The following MOB2 variants were observed in gnomAD, a reference collection of about 807,000 sequenced individuals.
MOB2 encodes the protein MOB kinase activator 2.
In MOB2, 14 loss-of-function variants were observed where a neutral mutation model predicts 27.4. The observed-to-expected ratio is 0.51, with a 90% CI of 0.34 to 0.80. The LOEUF (loss-of-function observed/expected upper bound fraction) is 0.80, where lower values mean the gene tolerates loss of function less well. MOB2 is among the 30% of genes least tolerant of loss of function. The pLI, the probability that MOB2 is intolerant of heterozygous loss-of-function variation, is 0.01. For synonymous variants in MOB2, 167 were observed against 151.8 expected, an observed-to-expected ratio of 1.10 and a Z score of -0.74; for missense variants, 304 against 354.6, an observed-to-expected ratio of 0.86 and a Z score of 1.15.
chr11:1,473,702 CACT>C (rs1847821788), intron 3 of MOB2, among the ~76,000 whole-genome samples: 2 of 152,252 alleles, frequency 1.3e-5, no homozygotes, highest in Non-Finnish European at 2.9e-5. Flanking sequence ...GATGGAACAC[CACT>C]GTTTCCTGTA....
chr11:1,482,967 C>G (rs938685170), intron 1 of MOB2, among the ~76,000 whole-genome samples: 1 of 152,238 alleles, frequency 6.6e-6, no homozygotes, highest in African/African-American at 2.4e-5. Context: ...CACTCTGAGG[C>G]AGCCCATTGC....
chr11:1,475,340 A>G (rs1246451941), intron 3 of MOB2, among the ~76,000 whole-genome samples: 1 of 152,188 alleles, frequency 6.6e-6, no homozygotes, highest in East Asian at 1.9e-4. Flanking sequence ...ACAGGGATAC[A>G]GCAATCCCCC....
chr11:1,475,538 C>T (rs1313065717), intron 3 of MOB2, among the ~76,000 whole-genome samples: 1 of 152,200 alleles, frequency 6.6e-6, no homozygotes, highest in Non-Finnish European at 1.5e-5. Context: ...TGAAGTGATC[C>T]ACCGCCTCAG....
Position 1,471,643 on chromosome 11 carries a change from G to A in MOB2, c.366-224C>T, listed in dbSNP as rs1047118865. On this transcript the variant is annotated intron_variant, in intron 3 of 4. Coordinates refer to ENST00000329957, the MANE Select transcript of MOB2 (RefSeq NM_001172223.3). ...TCTGCCTGCGCTGACTTAGAACTAC[G>A]CCAGGATCACGCTGGGGAGCCTGCC... The A allele has an allele frequency of 1.6e-5, 8 of 502,524 alleles. No homozygotes were observed. The Admixed American group carries it at 1.9e-4, about 12-fold the overall frequency. 31.1% of individuals were successfully genotyped at this position (502,524 alleles called of 1,614,324 possible).
intron 1 of MOB2, among the ~76,000 whole-genome samples, chr11:1,484,557 T>G (rs932595883): frequency 1.3e-5 from 2 of 152,026 alleles, no homozygotes; most frequent in African/African-American, 4.8e-5. Flanking sequence ...AGCCTGGGTC[T>G]CAGCACACCT....
At chr11:1,486,173 C>T (rs1315094336) in intron 1 of MOB2, among the ~76,000 whole-genome samples, 1 of 152,264 alleles carries the variant, frequency 6.6e-6, no homozygotes, top group Admixed American at 6.5e-5. Context: ...TCCTCTCCCA[C>T]AGAGCAACAG....
intron 4 of MOB2, among the ~76,000 whole-genome samples, chr11:1,471,012 G>C (rs1485936621): frequency 1.3e-5 from 2 of 152,258 alleles, no homozygotes; most frequent in African/African-American, 4.8e-5. Flanking sequence ...TGGACGGTGA[G>C]AGCAGCATGA....
At chr11:1,486,347 C>T in intron 1 of MOB2, 100 bp downstream of exon 1, 1 of 898,458 alleles carries the variant, frequency 1.1e-6, no homozygotes, top group Non-Finnish European at 1.7e-6. Flanking sequence ...GCCACGGACA[C>T]AGTCCGCCGC....
chr11:1,480,964 G>C (rs895907976), intron 1 of MOB2, 79 bp from the exon 2 acceptor site: 19 of 1,513,954 alleles, frequency 1.3e-5, no homozygotes, highest in Non-Finnish European at 1.7e-5. Context: ...GTTGTGGCCA[G>C]CGCAGGTGTA....
intron 3 of MOB2, chr11:1,471,795 G>C: frequency 5.8e-6 from 1 of 171,518 alleles, no homozygotes; most frequent in Non-Finnish European, 1.2e-5. Context: ...TATTTTGAAA[G>C]CACACAGAGG....
chr11:1,472,870 A>ATCTCTGGGCACAGGGCCTCCAGCG (rs1193461499), intron 3 of MOB2: 1 of 104,092 alleles, frequency 9.6e-6, no homozygotes, highest in East Asian at 3.6e-4. Flanking sequence ...GGCCTCCAGC[A>ATCTCTGGGCACAGGGCCTCCAGCG]TCTCTGGGCA....
intron 1 of MOB2, among the ~76,000 whole-genome samples, chr11:1,483,176 C>T (rs1200369431): frequency 6.6e-6 from 1 of 152,220 alleles, no homozygotes; most frequent in African/African-American, 2.4e-5. Context: ...CCTCAGTGGC[C>T]CAGCTGCCCC....
Position 1,479,876 on chromosome 11 carries a change from G to GC in MOB2, c.365+516dup, listed in dbSNP as rs1847891717. On this transcript the variant is annotated intron_variant, in intron 3 of 4. Coordinates refer to ENST00000329957, the MANE Select transcript of MOB2 (RefSeq NM_001172223.3). Reference sequence around the variant, plus strand: ...CTGGCGGCGCTCCTTCCCATGCTACGCAAGTGAGGTGCTCAGGGCCACTAA... The same window carrying GC: ...CTGGCGGCGCTCCTTCCCATGCTACGCCAAGTGAGGTGCTCAGGGCCACTAA... Among the ~76,000 whole-genome samples, 3 of 152,242 alleles carry GC rather than the reference G, an allele frequency of 2.0e-5. No homozygotes were observed. The South Asian group carries it at 6.2e-4, about 31-fold the overall frequency.
At chr11:1,483,902 C>A (rs1847942025) in intron 1 of MOB2, among the ~76,000 whole-genome samples, 2 of 152,204 alleles carry the variant, frequency 1.3e-5, no homozygotes, top group Non-Finnish European at 2.9e-5. Flanking sequence ...ACTTAGACAA[C>A]CACACAGTCA....
rs757485987 is a variant in MOB2, at chr11:1,480,428, T to G, written c.330A>C (p.Thr110=). 3 of 1,613,828 alleles carry G rather than the reference T, an allele frequency of 1.9e-6. No homozygotes were observed. The Admixed American group carries it at 5.0e-5, about 27-fold the overall frequency. Residue 110 remains threonine, a synonymous_variant, in exon 3 of 5, where the codon ACA becomes ACC. Transcript: ENST00000329957. ...LQYSTISEFC[T]GETCQTMAVC... The stretch of plus-strand genomic sequence containing the variant: ...CGGCCATCGTCTGACACGTCTCTCC[T>G]GTGCAGAACTCGGAGATGGTGCTAT...
chr11:1,486,238 C>T (rs1344018084), intron 1 of MOB2, among the ~76,000 whole-genome samples: 1 of 152,272 alleles, frequency 6.6e-6, no homozygotes, highest in Non-Finnish European at 1.5e-5. Context: ...AGCAAACCCG[C>T]CAGGCTGGCC....
At chr11:1,480,370 G>A (rs973077316) in intron 3 of MOB2, 23 bp downstream of exon 3, 3 of 1,609,004 alleles carry the variant, frequency 1.9e-6, no homozygotes, top group Non-Finnish European at 2.6e-6. Flanking sequence ...AGAGAAAGTG[G>A]GCTGTAGCCA....
At chr11:1,474,787 T>C (rs1253979623) in intron 3 of MOB2, among the ~76,000 whole-genome samples, 2 of 152,260 alleles carry the variant, frequency 1.3e-5, no homozygotes, top group South Asian at 2.1e-4. Context: ...CTCTGGACTC[T>C]ACTGTGTTCC....
chr11:1,478,229 A>G (rs1221033102), intron 3 of MOB2, among the ~76,000 whole-genome samples: 2 of 152,170 alleles, frequency 1.3e-5, no homozygotes, highest in African/African-American at 4.8e-5. Context: ...ATGGCACTGC[A>G]CAGGCCCCAC....
Sources: allele counts gnomAD v4.1 joint callset (sites outside exome capture counted in the v4.1 genomes callset), GRCh38; gene constraint gnomAD v4.1.1; transcripts MANE v1.5; gene names NCBI Gene and HGNC (gene_info 2026-07-23, HGNC 2026-07-21).